Variants in LMBR1 observed in about 807,000 individuals in gnomAD.
LMBR1 encodes the protein limb development membrane protein 1, also known as limb region 1 protein homolog.
In LMBR1, 52 loss-of-function variants were observed where a neutral mutation model predicts 73.9. That is an observed-to-expected ratio of 0.70 (90% CI 0.56 to 0.89). The LOEUF (loss-of-function observed/expected upper bound fraction) is 0.89. LMBR1 is among the 40% of genes least tolerant of loss of function. The pLI is 0.00. For missense variants in LMBR1, 539 were observed against 579.8 expected, an observed-to-expected ratio of 0.93 and a Z score of 0.72; for synonymous variants, 215 against 209.4, an observed-to-expected ratio of 1.03 and a Z score of -0.23.
At chr7:156,891,604 T>C (rs577621983) in intron 1 of LMBR1, among the ~76,000 whole-genome samples, 5 of 152,188 alleles carry the variant, frequency 3.3e-5, no homozygotes, top group African/African-American at 1.2e-4. Flanking sequence ...CTAGTAAAAT[T>C]GTGTTTATTT....
intron 1 of LMBR1, among the ~76,000 whole-genome samples, chr7:156,840,775 T>C (rs1470278033): frequency 1.8e-4 from 26 of 147,840 alleles, no homozygotes; most frequent in Non-Finnish European, 3.7e-4. Context: ...CTGACTAACA[T>C]GGTGAAACCC....
chr7:156,837,095 G>A (rs1190416264), intron 1 of LMBR1, among the ~76,000 whole-genome samples: 3 of 151,810 alleles, frequency 2.0e-5, no homozygotes, highest in African/African-American at 4.8e-5. Context: ...AGGCCAAGGC[G>A]GGTGGATCAT....
chr7:156,811,114 C>T (rs1328761269), intron 4 of LMBR1, among the ~76,000 whole-genome samples: 2 of 152,070 alleles, frequency 1.3e-5, no homozygotes, highest in Non-Finnish European at 2.9e-5. Flanking sequence ...CCCAGCCCCA[C>T]TTTTGAATAG....
chr7:156,802,771 G>C (rs1017111816), intron 4 of LMBR1, among the ~76,000 whole-genome samples: 1 of 146,798 alleles, frequency 6.8e-6, no homozygotes, highest in African/African-American at 2.5e-5. Context: ...CCTGCCCCCT[G>C]CCACTCCCCA....
At chr7:156,798,317 C>T (rs1196756221) in intron 4 of LMBR1, among the ~76,000 whole-genome samples, 4 of 152,176 alleles carry the variant, frequency 2.6e-5, no homozygotes, top group Admixed American at 1.3e-4. Flanking sequence ...AGTAACAGTG[C>T]TATCAGCTCC....
At chr7:156,794,851 G>T (rs1829832725) in intron 5 of LMBR1, among the ~76,000 whole-genome samples, 1 of 151,978 alleles carries the variant, frequency 6.6e-6, no homozygotes. Context: ...CACTGTGTGG[G>T]GCATGTACTC....
At chr7:156,852,064 G>C (rs1344275657) in intron 1 of LMBR1, among the ~76,000 whole-genome samples, 1 of 152,018 alleles carries the variant, frequency 6.6e-6, no homozygotes, top group East Asian at 1.9e-4. Flanking sequence ...CACAATAATA[G>C]CTGCCACTTG....
chr7:156,826,894 T>C (rs1215412784), intron 3 of LMBR1, 150 bp from the exon 4 acceptor site: 2 of 686,844 alleles, frequency 2.9e-6, no homozygotes, highest in African/African-American at 3.6e-5. Context: ...AGACAAATGA[T>C]ATACATATGG....
intron 5 of LMBR1, among the ~76,000 whole-genome samples, chr7:156,784,096 T>A (rs775894557): frequency 6.6e-6 from 1 of 152,036 alleles, no homozygotes; most frequent in Non-Finnish European, 1.5e-5. Flanking sequence ...AGCATGCATT[T>A]CTGGCAATAC....
intron 15 of LMBR1, among the ~76,000 whole-genome samples, chr7:156,716,462 A>G (rs1355205831): frequency 6.6e-6 from 1 of 152,204 alleles, no homozygotes; most frequent in East Asian, 1.9e-4. Flanking sequence ...ATGAAAGAGA[A>G]TTATAATTAG....
At chr7:156,812,427 G>A (rs1052510506) in intron 4 of LMBR1, among the ~76,000 whole-genome samples, 2 of 152,138 alleles carry the variant, frequency 1.3e-5, no homozygotes, top group Admixed American at 1.3e-4. Context: ...GGAAGTCAGA[G>A]AAAAACTTGA....
chr7:156,725,553 C>T (rs1815559707), intron 13 of LMBR1, 28 bp from the exon 14 acceptor site: 3 of 1,473,686 alleles, frequency 2.0e-6, no homozygotes, highest in Non-Finnish European at 2.8e-6. Flanking sequence ...AAAAACTCTC[C>T]AACAGAATGC....
chr7:156,763,010 C>T (rs1823399293), intron 7 of LMBR1, 98 bp downstream of exon 7: 1 of 650,756 alleles, frequency 1.5e-6, no homozygotes, highest in South Asian at 1.9e-5. Flanking sequence ...CAAAAAAAAT[C>T]CAAATAGTTA....
intron 3 of LMBR1, among the ~76,000 whole-genome samples, chr7:156,828,977 C>T (rs1268883605): frequency 6.6e-6 from 1 of 152,216 alleles, no homozygotes; most frequent in African/African-American, 2.4e-5. Context: ...GGAAAGAGAA[C>T]TTTCTAGCTC....
intron 15 of LMBR1, among the ~76,000 whole-genome samples, chr7:156,719,901 T>C (rs551710351): frequency 1.3e-5 from 2 of 151,784 alleles, no homozygotes; most frequent in East Asian, 1.9e-4. Context: ...TGGCTAGCCA[T>C]ATGTAGAAAG....
At chr7:156,731,104 T>TA (rs1230765336) in intron 10 of LMBR1, among the ~76,000 whole-genome samples, 2 of 152,048 alleles carry the variant, frequency 1.3e-5, no homozygotes, top group South Asian at 2.1e-4. Context: ...TTTAAATCTA[T>TA]AAAAAATAAA....
intron 9 of LMBR1, among the ~76,000 whole-genome samples, chr7:156,742,035 C>T (rs963858371): frequency 2.6e-4 from 39 of 152,132 alleles, no homozygotes; most frequent in African/African-American, 9.1e-4. Context: ...ACAAAATGCT[C>T]CTGAATCACC....
At chr7:156,727,900 A>C in intron 12 of LMBR1, 30 bp downstream of exon 12, 1 of 1,540,592 alleles carries the variant, frequency 6.5e-7, no homozygotes, top group Non-Finnish European at 9.0e-7. Flanking sequence ...CTTTTGCAAA[A>C]GAAAGACATT....
At chr7:156,761,578 A>T (rs988216751) in intron 8 of LMBR1, among the ~76,000 whole-genome samples, 4 of 152,148 alleles carry the variant, frequency 2.6e-5, no homozygotes, top group African/African-American at 9.7e-5. Flanking sequence ...TTGTCCTAAA[A>T]TTTGCTAGAG....
Sources: gnomAD v4.1 joint callset for allele counts (sites outside exome capture counted in the v4.1 genomes callset) on GRCh38, gnomAD v4.1.1 for gene constraint, MANE v1.5 for transcripts, NCBI Gene and HGNC (gene_info 2026-07-23, HGNC 2026-07-21) for gene names.